The following PRKN variants were observed in gnomAD, a reference collection of about 807,000 sequenced individuals.
PRKN encodes parkin RBR E3 ubiquitin protein ligase, also known as E3 ubiquitin-protein ligase parkin.
A neutral mutation model predicts 59.5 loss-of-function variants in PRKN; 56 were observed. The ratio of observed to expected loss-of-function variants is 0.94; its 90% confidence interval spans 0.76 to 1.18. The LOEUF (loss-of-function observed/expected upper bound fraction) is 1.18, where lower values mean the gene tolerates loss of function less well. Ranked by LOEUF, PRKN falls within the 50% of genes most tolerant of loss-of-function variation. PRKN has a pLI of 0.00. For synonymous variants in PRKN, 250 were observed against 222.1 expected, an observed-to-expected ratio of 1.13 and a Z score of -1.12; for missense variants, 657 against 596.4, an observed-to-expected ratio of 1.10 and a Z score of -1.06.
At chr6:161,583,023 T>C (rs5020004) in intron 7 of PRKN, among the ~76,000 whole-genome samples, 15,232 of 58,806 alleles carry the variant, frequency 0.26, 1,326 homozygotes, top group East Asian at 0.4. Flanking sequence ...CACACACACA[T>C]ACACATTTTG....
chr6:162,609,553 T>C (rs768596565), intron 1 of PRKN, among the ~76,000 whole-genome samples: 4 of 152,208 alleles, frequency 2.6e-5, no homozygotes, highest in Non-Finnish European at 4.4e-5. Flanking sequence ...GATATCAAAT[T>C]GACTGTGCAT....
rs1779951797 is a variant in PRKN at position 161,550,253 on chromosome 6, T to C, written c.934-1250A>G. ...AAACAGAAGGTGAAGTTGGAGAGTT[T>C]GTGAGGATCTAGAATATGTAGTTCC... On this transcript the variant is annotated intron_variant, in intron 8 of 11. Coordinates refer to ENST00000366898, the MANE Select transcript of PRKN (RefSeq NM_004562.3). The surrounding 1 kb of genome is among the most constrained non-coding windows in gnomAD (Gnocchi z 4.0). Among the ~76,000 whole-genome samples the C allele has an allele frequency of 6.6e-6, 1 of 152,086 alleles. No homozygotes were observed. The highest frequency in any genetic ancestry group is 2.4e-5 in the African/African-American group (1 of 41,404).
chr6:162,042,752 T>TG (rs1442312651), intron 5 of PRKN, among the ~76,000 whole-genome samples: 6 of 152,222 alleles, frequency 3.9e-5, no homozygotes, highest in Non-Finnish European at 7.3e-5. Context: ...TTGTACATTG[T>TG]GCTAGGTAAT....
At chr6:162,611,858 T>G (rs1188325799) in intron 1 of PRKN, among the ~76,000 whole-genome samples, 1 of 152,046 alleles carries the variant, frequency 6.6e-6, no homozygotes, top group African/African-American at 2.4e-5. Flanking sequence ...GACAAGAGTG[T>G]GAAAATCTTC....
At chr6:161,630,843 C>A (rs1019516379) in intron 7 of PRKN, among the ~76,000 whole-genome samples, 1 of 152,224 alleles carries the variant, frequency 6.6e-6, no homozygotes, top group South Asian at 2.1e-4. Context: ...CAGTGACAGT[C>A]AACCACTTGG....
In PRKN at chr6:161,756,384, G is replaced by A. The variant is rs553431980; in HGVS notation, c.871+29388C>T. Among the ~76,000 whole-genome samples the A allele has an allele frequency of 2.9e-5, 4 of 135,774 alleles. No homozygotes were observed. In the South Asian group the frequency reaches 1.0e-3, roughly 34 times the overall value. The allele number at this position is 135,774 out of a possible 152,430, so 89.1% of individuals were successfully genotyped here. A position where few individuals can be genotyped will look rare whatever the true frequency, so the allele number is the denominator to read the frequency against. ...TTGAACCTGGGAGGTGGAGGCTGCA[G>A]TGAGCTGAGATCACACCACTGCACT... is the stretch of plus-strand genomic sequence containing the variant. On this transcript the variant is annotated intron_variant, in intron 7 of 11. Coordinates refer to ENST00000366898, the MANE Select transcript of PRKN (RefSeq NM_004562.3).
At chr6:162,235,053 T>C (rs967386531) in intron 3 of PRKN, among the ~76,000 whole-genome samples, 1 of 152,220 alleles carries the variant, frequency 6.6e-6, no homozygotes, top group African/African-American at 2.4e-5. Context: ...AAAAAAATGG[T>C]ATAAAAGGAT....
At chr6:162,076,955 G>A (rs1019333433) in intron 4 of PRKN, among the ~76,000 whole-genome samples, 1 of 152,030 alleles carries the variant, frequency 6.6e-6, no homozygotes, top group Admixed American at 6.6e-5. Flanking sequence ...TCAGAGAACT[G>A]CAACTCCCAT....
At chr6:161,624,898 A>G (rs1246219337) in intron 7 of PRKN, among the ~76,000 whole-genome samples, 1 of 152,254 alleles carries the variant, frequency 6.6e-6, no homozygotes, top group Non-Finnish European at 1.5e-5. Context: ...TTGAATTCCT[A>G]CAGAAGCCTT....
At chr6:162,723,031 C>T (rs140137934) in intron 1 of PRKN, among the ~76,000 whole-genome samples, 2 of 152,146 alleles carry the variant, frequency 1.3e-5, no homozygotes, top group Non-Finnish European at 2.9e-5. Flanking sequence ...GGGCAAAGAG[C>T]AGTACACAGT....
intron 1 of PRKN, among the ~76,000 whole-genome samples, chr6:162,719,346 C>T (rs1274463509): frequency 6.6e-6 from 1 of 152,030 alleles, no homozygotes; most frequent in East Asian, 1.9e-4. Context: ...AAATCTGTAC[C>T]TCTCACACTC....
chr6:162,515,413 A>G (rs1042684162), intron 1 of PRKN, among the ~76,000 whole-genome samples: 3 of 142,896 alleles, frequency 2.1e-5, no homozygotes, highest in Non-Finnish European at 4.9e-5. Flanking sequence ...ATGGTTTGGG[A>G]GAATTCAAAT....
At chr6:162,254,828 C>T (rs910950747) in intron 3 of PRKN, among the ~76,000 whole-genome samples, 12 of 151,994 alleles carry the variant, frequency 7.9e-5, no homozygotes, top group African/African-American at 2.9e-4. Context: ...AATTTATCCA[C>T]TTTTTGGATG....
At chr6:162,380,464 TATATGTGTGTATATATATGTATATATA>T (rs1786395067) in intron 2 of PRKN, among the ~76,000 whole-genome samples, 1 of 59,252 alleles carries the variant, frequency 1.7e-5, no homozygotes, top group Admixed American at 1.6e-4. Context: ...TACACACATA[TATATGTGTGTATATATATGTATATATA>T]CACACATATA....
chr6:161,534,518 C>T (rs1779341029), intron 9 of PRKN, among the ~76,000 whole-genome samples: 2 of 152,348 alleles, frequency 1.3e-5, no homozygotes, highest in African/African-American at 2.4e-5. Context: ...ATGTGATACA[C>T]GTGACTATGA....
Position 161,378,893 on chromosome 6 carries a change from G to A in PRKN, c.1167+7901C>T, listed in dbSNP as rs1338808028. ...ACGGCCCCACTTCTCACTCCCAGTG[G>A]TCCACTTGGAGTTTATGCTCTCCAT... is the stretch of plus-strand genomic sequence containing the variant. On this transcript the variant is annotated intron_variant, in intron 10 of 11. Transcript: ENST00000366898. The surrounding 1 kb of genome is among the most constrained non-coding windows in gnomAD (Gnocchi z 7.3). Among the ~76,000 whole-genome samples, 1 of 152,144 alleles carries A rather than the reference G, an allele frequency of 6.6e-6. No individual in the cohort carries two copies. The highest frequency in any genetic ancestry group is 1.5e-5 in the Non-Finnish European group (1 of 68,028).
intron 6 of PRKN, among the ~76,000 whole-genome samples, chr6:161,949,776 A>G (rs1365483226): frequency 6.6e-6 from 1 of 152,206 alleles, no homozygotes; most frequent in Admixed American, 6.5e-5. Flanking sequence ...TGATACCACA[A>G]GACAGCCTGC....
chr6:161,509,104 A>G (rs1198781175), intron 9 of PRKN, among the ~76,000 whole-genome samples: 2 of 152,182 alleles, frequency 1.3e-5, no homozygotes, highest in East Asian at 3.9e-4. Flanking sequence ...TTGGCCTCCC[A>G]AAGTGCTGGG....
At position 162,488,349 on chromosome 6, in the gene PRKN, G is replaced by A. The variant is rs1414327883; in HGVS notation, c.8-44876C>T. ...CCATTTTTACTCATGTATGTCCCACGACAATAAAATTATTGAAAAGCAAGT... is the reference window on the plus strand; with the variant it reads ...CCATTTTTACTCATGTATGTCCCACAACAATAAAATTATTGAAAAGCAAGT... On this transcript the variant is annotated intron_variant, in intron 1 of 11. Coordinates refer to ENST00000366898, the MANE Select transcript of PRKN (RefSeq NM_004562.3). Among the ~76,000 whole-genome samples, 4 of 152,030 alleles carry A rather than the reference G, an allele frequency of 2.6e-5. No individual in the cohort carries two copies. In the East Asian group the frequency reaches 5.8e-4, roughly 22 times the overall value.
Sources: gnomAD v4.1 joint callset for allele counts (sites outside exome capture counted in the v4.1 genomes callset) on GRCh38, gnomAD v4.1.1 for gene constraint, Gnocchi (gnomAD v3.1) non-coding constraint, MANE v1.5 for transcripts, NCBI Gene and HGNC (gene_info 2026-07-23, HGNC 2026-07-21) for gene names.